CDH18: variants seen among roughly 807,000 people sequenced by gnomAD.
The protein encoded by CDH18 is cadherin-18.
A neutral mutation model predicts 67.9 loss-of-function variants in CDH18; 31 were observed. That is an observed-to-expected ratio of 0.46 (90% CI 0.34 to 0.62). The LOEUF is 0.62. CDH18 is among the 20% of genes least tolerant of loss of function. CDH18 has a pLI of 0.01. For synonymous variants in CDH18, 362 were observed against 347.2 expected (o/e 1.04, Z -0.48); for missense variants, 890 against 975.5 (o/e 0.91, Z 1.17).
chr5:19,582,291 A>G (rs1023877800), intron 7 of CDH18, among the ~76,000 whole-genome samples: 2 of 152,032 alleles, frequency 1.3e-5, no homozygotes, highest in Non-Finnish European at 2.9e-5. Flanking sequence ...CCAACAGCCC[A>G]TGCATATATA....
intron 1 of CDH18, among the ~76,000 whole-genome samples, chr5:20,542,902 T>C (rs1757133206): frequency 6.6e-6 from 1 of 152,078 alleles, no homozygotes; most frequent in South Asian, 2.1e-4. Flanking sequence ...ACAGTTTTTA[T>C]TGTTTTATTT....
chr5:20,387,488 A>C (rs1481823861), intron 1 of CDH18, among the ~76,000 whole-genome samples: 1 of 152,178 alleles, frequency 6.6e-6, no homozygotes, highest in African/African-American at 2.4e-5. Flanking sequence ...GGGGTTTTCT[A>C]GATATACAAT....
At chr5:20,405,587 G>A (rs1254567904) in intron 1 of CDH18, among the ~76,000 whole-genome samples, 1 of 152,146 alleles carries the variant, frequency 6.6e-6, no homozygotes, top group South Asian at 2.1e-4. Context: ...ATTGACAAAT[G>A]GGATCTAAGT....
At chr5:20,570,098 G>A (rs773086662) in intron 1 of CDH18, among the ~76,000 whole-genome samples, 16 of 152,088 alleles carry the variant, frequency 1.1e-4, no homozygotes, top group Admixed American at 2.6e-4. Context: ...TACTATAAAC[G>A]TGGATATACC....
intron 2 of CDH18, among the ~76,000 whole-genome samples, chr5:20,074,384 C>T (rs1445649175): frequency 1.3e-5 from 2 of 152,040 alleles, no homozygotes; most frequent in African/African-American, 4.8e-5. Flanking sequence ...TGATTTAGCT[C>T]ACTATTGACT....
intron 1 of CDH18, among the ~76,000 whole-genome samples, chr5:20,528,665 C>T (rs2202790): frequency 0.42 from 63,845 of 151,688 alleles, 14,661 homozygotes; most frequent in East Asian, 0.56. Flanking sequence ...AAGTAAATGA[C>T]AAAATTAAGC....
intron 1 of CDH18, among the ~76,000 whole-genome samples, chr5:20,379,606 A>T (rs897726339): frequency 2.0e-5 from 3 of 152,184 alleles, no homozygotes; most frequent in Non-Finnish European, 4.4e-5. Context: ...GATGAAAAAT[A>T]AAAACATGAT....
intron 2 of CDH18, among the ~76,000 whole-genome samples, chr5:19,851,554 A>G (rs1353487640): frequency 6.6e-6 from 1 of 151,748 alleles, no homozygotes; most frequent in South Asian, 2.1e-4. Flanking sequence ...AGAGTAAATG[A>G]AAGAAGAAAA....
chr5:19,521,681 A>G (rs189717808), intron 9 of CDH18, among the ~76,000 whole-genome samples: 2 of 139,908 alleles, frequency 1.4e-5, no homozygotes, highest in Admixed American at 7.2e-5. Context: ...GATAGTAAGA[A>G]AATAGATGGG....
At chr5:19,873,945 G>A (rs573273815) in intron 2 of CDH18, among the ~76,000 whole-genome samples, 1 of 151,862 alleles carries the variant, frequency 6.6e-6, no homozygotes, top group East Asian at 1.9e-4. Context: ...ACCGTGCCTG[G>A]CCAAAAAAAA....
chr5:20,087,601 T>G (rs1447047531), intron 2 of CDH18, among the ~76,000 whole-genome samples: 1 of 152,084 alleles, frequency 6.6e-6, no homozygotes, highest in Non-Finnish European at 1.5e-5. Context: ...AAGGCAAGGC[T>G]CCCCATCAGG....
intron 3 of CDH18, among the ~76,000 whole-genome samples, chr5:19,829,864 G>T (rs1272429247): frequency 1.3e-5 from 2 of 152,150 alleles, no homozygotes; most frequent in Non-Finnish European, 1.5e-5. Flanking sequence ...GAACAGAATA[G>T]AGAGGCCAGA....
chr5:19,493,835 C>G (rs2126687481), intron 11 of CDH18, among the ~76,000 whole-genome samples: 1 of 152,102 alleles, frequency 6.6e-6, no homozygotes, highest in South Asian at 2.1e-4. Flanking sequence ...ATAATAGCTC[C>G]AACAGTTACA....
chr5:19,793,719 C>A (rs926043327), intron 3 of CDH18, among the ~76,000 whole-genome samples: 1 of 151,860 alleles, frequency 6.6e-6, no homozygotes, highest in African/African-American at 2.4e-5. Flanking sequence ...GACAATAAAA[C>A]AAATAAAAAC....
intron 1 of CDH18, among the ~76,000 whole-genome samples, chr5:20,524,792 G>A (rs1755948468): frequency 6.6e-6 from 1 of 152,106 alleles, no homozygotes; most frequent in Non-Finnish European, 1.5e-5. Flanking sequence ...CAAGCCCTGA[G>A]GTCTTCAGTT....
At chr5:20,242,487 C>T (rs1324383132) in intron 2 of CDH18, among the ~76,000 whole-genome samples, 1 of 150,388 alleles carries the variant, frequency 6.6e-6, no homozygotes, top group Admixed American at 6.6e-5. Flanking sequence ...CTTCCTGTCC[C>T]TGGCTTATTT....
In CDH18 at chr5:19,593,439, C is replaced by T. The variant is rs188800990; in HGVS notation, c.812-2195G>A. Among the ~76,000 whole-genome samples the T allele has an allele frequency of 7.9e-5, 12 of 152,124 alleles. No individual in the cohort carries two copies. The East Asian group carries it at 2.1e-3, about 27-fold the overall frequency. The stretch of plus-strand genomic sequence containing the variant: ...ACTGGTGACATTGAGCATCTTTATA[C>T]GTACCTATTGTCCATTTGTATGTGT... On this transcript the variant is annotated intron_variant, in intron 6 of 12. Transcript: ENST00000382275.
At chr5:20,501,717 TTGTGTGTGTGTGTG>T (rs1170488048) in intron 1 of CDH18, among the ~76,000 whole-genome samples, 5 of 121,244 alleles carry the variant, frequency 4.1e-5, no homozygotes, top group Admixed American at 3.6e-4. Flanking sequence ...TCTTAAGGAT[TTGTGTGTGTGTGTG>T]TGTGTGTGTG....
In CDH18 at chr5:19,839,049, G is replaced by A; in HGVS notation, c.-63C>T. ...TCCTTGTCAGCTACGAAAGCTTAGT[G>A]AGCATTCAAGAGAGAAGCCAGAGCA... On this transcript the variant is annotated 5_prime_UTR_variant, in exon 3 of 13. Transcript: ENST00000382275. 2 of 1,269,302 alleles carry A rather than the reference G, an allele frequency of 1.6e-6. No individual in the cohort carries two copies. The highest frequency in any genetic ancestry group is 2.3e-6 in the Non-Finnish European group (2 of 873,556). The allele number at this position is 1,269,302 out of a possible 1,614,324, so 78.6% of individuals were successfully genotyped here.
Sources: gnomAD v4.1 joint callset for allele counts (sites outside exome capture counted in the v4.1 genomes callset) on GRCh38, gnomAD v4.1.1 for gene constraint, MANE v1.5 for transcripts, NCBI Gene and HGNC (gene_info 2026-07-23, HGNC 2026-07-21) for gene names.